The following REV1 variants were observed in gnomAD, a reference collection of about 807,000 sequenced individuals.
REV1 encodes translesion synthesis protein REV1.
A neutral mutation model predicts 137.4 loss-of-function variants in REV1; 42 were observed. The observed-to-expected ratio is 0.31, with a 90% CI of 0.24 to 0.40. The LOEUF is 0.40. REV1 is among the 10% of genes least tolerant of loss of function. The pLI is 1.00. For synonymous variants in REV1, 524 were observed against 519.2 expected (o/e 1.01, Z -0.12); for missense variants, 1,282 against 1,490.1 (o/e 0.86, Z 2.30).
chr2:99,451,403 C>G, intron 3 of REV1: 2 of 1,300,372 alleles, frequency 1.5e-6, no homozygotes, highest in Non-Finnish European at 2.0e-6. Flanking sequence ...CTGGAAAATA[C>G]ATTGCCCTTC....
At chr2:99,438,010 C>A (rs1680978818) in intron 6 of REV1, among the ~76,000 whole-genome samples, 1 of 152,038 alleles carries the variant, frequency 6.6e-6, no homozygotes, top group Admixed American at 6.5e-5. Context: ...GTAAAAGGAA[C>A]TAAAATTTCA....
chr2:99,405,003 C>T (rs1676078064), intron 17 of REV1, among the ~76,000 whole-genome samples: 1 of 152,156 alleles, frequency 6.6e-6, no homozygotes, highest in African/African-American at 2.4e-5. Context: ...CTTGGTGAAG[C>T]TCAAATTAGA....
At position 99,419,823 on chromosome 2, in the gene REV1, C is replaced by T. The variant is rs994597184; in HGVS notation, c.1832-876G>A. On this transcript the variant is annotated intron_variant, in intron 11 of 22. Transcript: ENST00000258428. ...AGCTCAGCTGCTAGGTGGGCTTCTC[C>T]GTGAATAATAAAATCTCCAAAGGGA... 5.3e-5 allele frequency among the ~76,000 whole-genome samples: 8 copies of T among 152,164 alleles called. No individual in the cohort carries two copies. The South Asian group carries it at 6.2e-4, about 12-fold the overall frequency.
intron 3 of REV1, among the ~76,000 whole-genome samples, chr2:99,452,240 C>T (rs2104981565): frequency 6.6e-6 from 1 of 151,976 alleles, no homozygotes; most frequent in African/African-American, 2.4e-5. Flanking sequence ...GCCTGGACAA[C>T]AAAGTGAGAC....
At chr2:99,471,581 C>T (rs1251869348) in intron 1 of REV1, among the ~76,000 whole-genome samples, 1 of 151,954 alleles carries the variant, frequency 6.6e-6, no homozygotes, top group Non-Finnish European at 1.5e-5. Flanking sequence ...AAATTTAAAA[C>T]TTCTGTGAAT....
chr2:99,469,583 G>C (rs1452298184), intron 1 of REV1, among the ~76,000 whole-genome samples: 1 of 152,124 alleles, frequency 6.6e-6, no homozygotes, highest in African/African-American at 2.4e-5. Flanking sequence ...AGGAGCCCAG[G>C]GATCCTGAAT....
At chr2:99,477,025 G>A (rs1686052837) in intron 1 of REV1, among the ~76,000 whole-genome samples, 1 of 152,204 alleles carries the variant, frequency 6.6e-6, no homozygotes, top group Non-Finnish European at 1.5e-5. Flanking sequence ...TTTAACCTAA[G>A]GATGGTGTGG....
chr2:99,444,881 C>A (rs763578064), intron 4 of REV1, among the ~76,000 whole-genome samples: 1 of 152,156 alleles, frequency 6.6e-6, no homozygotes, highest in Non-Finnish European at 1.5e-5. Flanking sequence ...ACTGTACTGA[C>A]ATTTTCTACT....
Position 99,472,841 on chromosome 2 carries a change from T to C in REV1, c.-10-7856A>G, listed in dbSNP as rs571550809. On this transcript the variant is annotated intron_variant, in intron 1 of 22. Coordinates refer to ENST00000258428, the MANE Select transcript of REV1 (RefSeq NM_016316.4). ...AACAGTCTGCTCCAATGTGCTCTTATTCTGTCCTTTAATGGTAAAAGTTTT... is the reference window on the plus strand; with the variant it reads ...AACAGTCTGCTCCAATGTGCTCTTACTCTGTCCTTTAATGGTAAAAGTTTT... Among the ~76,000 whole-genome samples, 8 of 152,380 alleles carry C rather than the reference T, an allele frequency of 5.3e-5. No individual in the cohort carries two copies. The South Asian group carries it at 1.7e-3, about 32-fold the overall frequency.
intron 14 of REV1, among the ~76,000 whole-genome samples, chr2:99,408,645 AG>A (rs1380564987): frequency 6.6e-6 from 1 of 152,194 alleles, no homozygotes; most frequent in African/African-American, 2.4e-5. Context: ...TAGATCTTTA[AG>A]AACTCTTGAA....
intron 1 of REV1, among the ~76,000 whole-genome samples, chr2:99,485,437 G>A (rs1687039990): frequency 6.6e-6 from 1 of 152,178 alleles, no homozygotes; most frequent in Non-Finnish European, 1.5e-5. Context: ...AAAGAAGGGA[G>A]AAACTGAACA....
chr2:99,482,762 A>T (rs2104278312), intron 1 of REV1, among the ~76,000 whole-genome samples: 1 of 152,228 alleles, frequency 6.6e-6, no homozygotes, highest in Non-Finnish European at 1.5e-5. Context: ...TGTATTAAAA[A>T]ATTTACACTT....
At chr2:99,481,166 C>T (rs1686564058) in intron 1 of REV1, among the ~76,000 whole-genome samples, 1 of 152,188 alleles carries the variant, frequency 6.6e-6, no homozygotes, top group South Asian at 2.1e-4. Context: ...CCACCCTACC[C>T]ATAAATATCT....
intron 1 of REV1, 119 bp from the exon 2 acceptor site, chr2:99,465,104 A>AAGTT: frequency 1.9e-6 from 1 of 523,822 alleles, no homozygotes; most frequent in Non-Finnish European, 3.1e-6. Context: ...TGATGAAAGT[A>AAGTT]TACAATATTA....
Position 99,405,988 on chromosome 2 carries a change from CCCTGA to C in REV1, c.2728_2732del (p.Ser910GlufsTer16). The C allele has an allele frequency of 6.2e-7, 1 of 1,614,032 alleles. No individual in the cohort carries two copies. The highest frequency in any genetic ancestry group is 8.5e-7 in the Non-Finnish European group (1 of 1,179,968). On this transcript the variant is annotated frameshift_variant, in exon 17 of 23. Transcript: ENST00000258428. LOFTEE classifies it high-confidence loss of function. ...CAGGAGTATGTAGACCATTCCATTT[CCCTGA>C]AGACTCAGCCTTGTTAGTATCAGGA...
chr2:99,470,702 G>A (rs1685316432), intron 1 of REV1, among the ~76,000 whole-genome samples: 1 of 152,006 alleles, frequency 6.6e-6, no homozygotes, highest in South Asian at 2.1e-4. Flanking sequence ...AACAAGATTG[G>A]CTAAGTTGCT....
chr2:99,431,982 CG>C (rs1559336969), intron 8 of REV1: 1 of 809,884 alleles, frequency 1.2e-6, no homozygotes, highest in African/African-American at 1.9e-5. Flanking sequence ...ATGACTAATA[CG>C]ATTTTTAAAA....
intron 1 of REV1, among the ~76,000 whole-genome samples, chr2:99,482,848 C>A (rs879404843): frequency 3.9e-4 from 59 of 152,038 alleles, no homozygotes; most frequent in Admixed American, 1.0e-3. Context: ...GAAACCCCGT[C>A]TCTACTAAAA....
intron 8 of REV1, chr2:99,431,702 G>C: frequency 3.0e-6 from 3 of 985,114 alleles, no homozygotes; most frequent in Non-Finnish European, 3.6e-6. Flanking sequence ...TGGCCTGAGA[G>C]GCAGCACCAT....
Sources: allele counts gnomAD v4.1 joint callset (sites outside exome capture counted in the v4.1 genomes callset), GRCh38; gene constraint gnomAD v4.1.1; transcripts MANE v1.5; gene names NCBI Gene and HGNC (gene_info 2026-07-23, HGNC 2026-07-21).